CNTNAP2: variants seen among roughly 807,000 people sequenced by gnomAD.
CNTNAP2 encodes the protein contactin associated protein 2.
In CNTNAP2, 98 loss-of-function variants were observed where a neutral mutation model predicts 155.2. The ratio of observed to expected loss-of-function variants is 0.63; its 90% CI spans 0.54 to 0.75. The LOEUF (loss-of-function observed/expected upper bound fraction) is 0.75, where lower values mean the gene tolerates loss of function less well. Ranked by LOEUF, CNTNAP2 falls within the 30% of genes least tolerant of loss-of-function variation. CNTNAP2 has a pLI of 0.00. For missense variants in CNTNAP2, 1,727 were observed against 1,688.1 expected, an observed-to-expected ratio of 1.02 and a Z score of -0.40; for synonymous variants, 651 against 631.2, an observed-to-expected ratio of 1.03 and a Z score of -0.47.
chr7:146,985,702 TCG>T (rs1414976933), intron 3 of CNTNAP2, among the ~76,000 whole-genome samples: 4 of 152,130 alleles, frequency 2.6e-5, no homozygotes, highest in African/African-American at 9.7e-5. Context: ...ATCAACACAG[TCG>T]ATAAGTTTTT....
At chr7:148,091,674 A>C (rs938758144) in intron 15 of CNTNAP2, among the ~76,000 whole-genome samples, 1 of 152,206 alleles carries the variant, frequency 6.6e-6, no homozygotes, top group African/African-American at 2.4e-5. Context: ...TTCTTTTTAT[A>C]GTCTTCATCT....
intron 20 of CNTNAP2, among the ~76,000 whole-genome samples, chr7:148,247,229 A>T (rs1796277814): frequency 6.6e-6 from 1 of 152,320 alleles, no homozygotes; most frequent in East Asian, 1.9e-4. Context: ...TATGGAAAAC[A>T]TGCTATTTTT....
chr7:147,512,048 G>A (rs1336447224), intron 11 of CNTNAP2, among the ~76,000 whole-genome samples: 2 of 152,164 alleles, frequency 1.3e-5, no homozygotes, highest in African/African-American at 4.8e-5. Flanking sequence ...AAGAGTCTTA[G>A]TAAGATACAA....
chr7:147,388,254 G>T (rs1796654626), intron 9 of CNTNAP2, among the ~76,000 whole-genome samples: 1 of 152,048 alleles, frequency 6.6e-6, no homozygotes, highest in African/African-American at 2.4e-5. Context: ...ATCATTCTTT[G>T]GGCACTTCAT....
intron 12 of CNTNAP2, among the ~76,000 whole-genome samples, chr7:147,563,091 T>C (rs888815273): frequency 3.3e-5 from 5 of 152,162 alleles, no homozygotes; most frequent in Non-Finnish European, 5.9e-5. Context: ...GACACTTGAG[T>C]TTACATCCTG....
At chr7:147,936,775 T>C (rs2069223622) in intron 14 of CNTNAP2, among the ~76,000 whole-genome samples, 1 of 152,140 alleles carries the variant, frequency 6.6e-6, no homozygotes, top group African/African-American at 2.4e-5. Context: ...CAAACACCAA[T>C]TTTAGGGACA....
At chr7:146,812,028 A>G (rs993626377) in intron 2 of CNTNAP2, among the ~76,000 whole-genome samples, 4 of 152,130 alleles carry the variant, frequency 2.6e-5, no homozygotes, top group Non-Finnish European at 4.4e-5. Context: ...TATTGGCAGC[A>G]TGAAAATGGA....
At chr7:147,383,277 A>G (rs1796568941) in intron 9 of CNTNAP2, among the ~76,000 whole-genome samples, 1 of 152,128 alleles carries the variant, frequency 6.6e-6, no homozygotes, top group Admixed American at 6.6e-5. Context: ...CACCTAACAA[A>G]TACAGAGCGG....
chr7:148,089,895 A>G (rs1027412275), intron 15 of CNTNAP2, among the ~76,000 whole-genome samples: 2 of 151,998 alleles, frequency 1.3e-5, no homozygotes, highest in Non-Finnish European at 2.9e-5. Flanking sequence ...AGCTATAGTA[A>G]TAAAAACAGC....
chr7:148,313,164 G>A (rs1032415590), intron 21 of CNTNAP2, among the ~76,000 whole-genome samples: 4 of 151,484 alleles, frequency 2.6e-5, no homozygotes, highest in Non-Finnish European at 4.4e-5. Flanking sequence ...CGGAGGCAAG[G>A]GAAACAGGCC....
chr7:146,232,532 A>G (rs1052980074), intron 1 of CNTNAP2, among the ~76,000 whole-genome samples: 2 of 152,096 alleles, frequency 1.3e-5, no homozygotes, highest in Admixed American at 1.3e-4. Context: ...TTGGAGTGAG[A>G]CTAGGTATCC....
At chr7:148,210,128 AG>A (rs148857666) in intron 18 of CNTNAP2, among the ~76,000 whole-genome samples, 5,874 of 152,306 alleles carry the variant, frequency 0.039, 430 homozygotes, top group African/African-American at 0.13. Flanking sequence ...GGTTCAGGGT[AG>A]GGGGGCCTTT....
chr7:148,253,768 A>G (rs1918299), intron 20 of CNTNAP2, among the ~76,000 whole-genome samples: 103,093 of 152,032 alleles, frequency 0.68, 35,378 homozygotes, highest in South Asian at 0.82. Flanking sequence ...TCAGGGGCAC[A>G]CACAGCAGAC....
chr7:147,943,543 C>T (rs1800762608), intron 14 of CNTNAP2, among the ~76,000 whole-genome samples: 1 of 151,886 alleles, frequency 6.6e-6, no homozygotes, highest in African/African-American at 2.4e-5. Context: ...CTGAGGTGGG[C>T]AGATCACTAG....
chr7:147,404,921 T>G (rs1796980776), intron 10 of CNTNAP2, among the ~76,000 whole-genome samples: 1 of 152,100 alleles, frequency 6.6e-6, no homozygotes, highest in Non-Finnish European at 1.5e-5. Flanking sequence ...TAAAAAAAGG[T>G]AGTGAAATGC....
At chr7:148,344,464 C>T (rs1798287109) in intron 21 of CNTNAP2, among the ~76,000 whole-genome samples, 1 of 152,176 alleles carries the variant, frequency 6.6e-6, no homozygotes, top group Non-Finnish European at 1.5e-5. Context: ...TTCCTATTCC[C>T]TCATGCTGTT....
intron 21 of CNTNAP2, among the ~76,000 whole-genome samples, chr7:148,286,073 G>C (rs1251147362): frequency 6.6e-6 from 1 of 152,158 alleles, no homozygotes; most frequent in Non-Finnish European, 1.5e-5. Flanking sequence ...AAATGGAAGT[G>C]GAACATCATA....
Position 147,775,345 on chromosome 7 carries a change from A to T in CNTNAP2, c.2099-128220A>T, listed in dbSNP as rs866639190. Among the ~76,000 whole-genome samples, 17 of 34,336 alleles carry T rather than the reference A, an allele frequency of 5.0e-4. 1 individual carries two copies. The highest frequency in any genetic ancestry group is 4.0e-3 in the African/African-American group (15 of 3,744). 22.5% of individuals were successfully genotyped at this position (34,336 alleles called of 152,430 possible). A position where few individuals can be genotyped will look rare whatever the true frequency, so the allele number is the denominator to read the frequency against. ...TATTTATATATATTTATAAATATAT[A>T]TATTTATATATATTTATAAATATAT... On this transcript the variant is annotated intron_variant, in intron 13 of 23. Coordinates refer to ENST00000361727, the MANE Select transcript of CNTNAP2 (RefSeq NM_014141.6).
At chr7:146,137,451 A>AT (rs199607930) in intron 1 of CNTNAP2, among the ~76,000 whole-genome samples, 7 of 152,082 alleles carry the variant, frequency 4.6e-5, no homozygotes, top group Admixed American at 3.3e-4. Flanking sequence ...TGTCTGTGGC[A>AT]TTTTTTTTCT....
Sources: gnomAD v4.1 joint callset for allele counts (sites outside exome capture counted in the v4.1 genomes callset) on GRCh38, gnomAD v4.1.1 for gene constraint, MANE v1.5 for transcripts, NCBI Gene and HGNC (gene_info 2026-07-23, HGNC 2026-07-21) for gene names.